The following HHAT variants were observed in gnomAD, a reference collection of about 807,000 sequenced individuals.
The protein encoded by HHAT is protein-cysteine N-palmitoyltransferase HHAT.
In HHAT, 47 loss-of-function variants were observed where a neutral mutation model predicts 70.8. That is an observed-to-expected ratio of 0.66 (90% CI 0.53 to 0.85). HHAT has a LOEUF of 0.85. Ranked by LOEUF, HHAT falls within the 40% of genes least tolerant of loss-of-function variation. The pLI is 0.00. For missense variants in HHAT, 609 were observed against 604.8 expected (o/e 1.01, Z -0.07); for synonymous variants, 228 against 247.6 (o/e 0.92, Z 0.74).
intron 7 of HHAT, among the ~76,000 whole-genome samples, chr1:210,464,085 G>A (rs1383367353): frequency 1.3e-5 from 2 of 151,760 alleles, no homozygotes; most frequent in African/African-American, 4.8e-5. Context: ...ATTTTAAAAT[G>A]TGTATTTAAT....
At chr1:210,481,961 G>A (rs1013408176) in intron 8 of HHAT, among the ~76,000 whole-genome samples, 3 of 152,182 alleles carry the variant, frequency 2.0e-5, no homozygotes, top group African/African-American at 7.2e-5. Context: ...AAGAAGGCCA[G>A]TGTGGCTGTC....
chr1:210,576,297 T>G (rs1441137523), intron 9 of HHAT, among the ~76,000 whole-genome samples: 1 of 152,150 alleles, frequency 6.6e-6, no homozygotes, highest in Non-Finnish European at 1.5e-5. Context: ...GGAGTGTAAC[T>G]GATACACAAA....
At chr1:210,576,989 T>C (rs1190942477) in intron 9 of HHAT, among the ~76,000 whole-genome samples, 1 of 152,176 alleles carries the variant, frequency 6.6e-6, no homozygotes, top group Non-Finnish European at 1.5e-5. Flanking sequence ...TAATTTTCTT[T>C]TTGGATCATT....
rs1375381946 is a variant in HHAT at position 210,383,426 on chromosome 1, A to G, written c.160-4042A>G. 1.3e-5 allele frequency among the ~76,000 whole-genome samples: 2 copies of G among 152,348 alleles called. 1 individual carries two copies. Among genetic ancestry groups the G allele is most frequent in the East Asian group, 3.9e-4 (2 of 5,186 alleles). ...CTACATGACATCCTGGAAAAAGTAA[A>G]ATATGGAGACAGTAAAAAGATCATT... is the stretch of plus-strand genomic sequence containing the variant. On this transcript the variant is annotated intron_variant, in intron 3 of 11. Coordinates refer to ENST00000261458, the MANE Select transcript of HHAT (RefSeq NM_018194.6).
chr1:210,349,169 A>G, intron 2 of HHAT, 103 bp downstream of exon 2: 1 of 1,220,300 alleles, frequency 8.2e-7, no homozygotes, highest in Non-Finnish European at 1.1e-6. Flanking sequence ...TAGTGTCAAG[A>G]TGATGTGGGC....
chr1:210,666,312 C>T (rs1293679608), intron 11 of HHAT, among the ~76,000 whole-genome samples: 3 of 152,124 alleles, frequency 2.0e-5, no homozygotes, highest in African/African-American at 7.2e-5. Context: ...GCAGCCTTCC[C>T]ACTGCTGAAT....
At chr1:210,491,765 T>C (rs1460458097) in intron 8 of HHAT, among the ~76,000 whole-genome samples, 3 of 152,076 alleles carry the variant, frequency 2.0e-5, no homozygotes, top group Non-Finnish European at 2.9e-5. Flanking sequence ...TATTTAGCTT[T>C]TTTGTTTGTT....
At chr1:210,388,087 G>A (rs1389034624) in intron 4 of HHAT, among the ~76,000 whole-genome samples, 1 of 152,180 alleles carries the variant, frequency 6.6e-6, no homozygotes, top group Non-Finnish European at 1.5e-5. Context: ...TTTATGTGAG[G>A]CAGGATTGAG....
chr1:210,675,287 C>T lies in HHAT; in HGVS notation c.*908C>T, dbSNP rs1680932119. On this transcript the variant is annotated 3_prime_UTR_variant, in exon 12 of 12. Transcript: ENST00000261458. ...TATTAAGGTTTGATTCAAACAGAGC[C>T]TTTTCTGTCCTGTAGATAATCTACA... 6.6e-6 allele frequency: 1 copy of T among 152,092 alleles called. No individual in the cohort carries two copies. Among genetic ancestry groups the T allele is most frequent in the Non-Finnish European group, 1.5e-5 (1 of 68,014 alleles). 9.4% of individuals were successfully genotyped at this position (152,092 alleles called of 1,614,324 possible). A position where few individuals can be genotyped will look rare whatever the true frequency, so the allele number is the denominator to read the frequency against.
At chr1:210,499,644 CAAAAA>C (rs5780584) in intron 8 of HHAT, among the ~76,000 whole-genome samples, 1 of 148,556 alleles carries the variant, frequency 6.7e-6, no homozygotes, top group African/African-American at 2.5e-5. Flanking sequence ...CTTTCTCTCT[CAAAAA>C]AAAAAAAAAT....
At chr1:210,558,361 A>C (rs1343840996) in intron 9 of HHAT, among the ~76,000 whole-genome samples, 1 of 152,218 alleles carries the variant, frequency 6.6e-6, no homozygotes, top group African/African-American at 2.4e-5. Flanking sequence ...GAGTTCTCCT[A>C]CCTGGCTAAG....
chr1:210,562,383 C>A (rs1455089667), intron 9 of HHAT, among the ~76,000 whole-genome samples: 3 of 128,536 alleles, frequency 2.3e-5, no homozygotes, highest in East Asian at 2.3e-4. Flanking sequence ...TCAATCCAAT[C>A]ACCAAGGGCC....
intron 11 of HHAT, among the ~76,000 whole-genome samples, chr1:210,643,274 G>A (rs993659078): frequency 2.0e-5 from 3 of 151,966 alleles, no homozygotes; most frequent in East Asian, 1.9e-4. Flanking sequence ...TTTTTACTTC[G>A]GAAACATCTT....
intron 9 of HHAT, among the ~76,000 whole-genome samples, chr1:210,578,471 T>TG (rs1296591224): frequency 1.3e-5 from 2 of 152,342 alleles, no homozygotes; most frequent in East Asian, 3.9e-4. Context: ...ATCACACTTC[T>TG]GAGTATACAA....
intron 8 of HHAT, among the ~76,000 whole-genome samples, chr1:210,485,091 G>A (rs922844669): frequency 6.6e-5 from 10 of 152,034 alleles, no homozygotes; most frequent in Admixed American, 3.3e-4. Context: ...CGTGTTGAGC[G>A]GCTACCAGAA....
chr1:210,478,648 C>A (rs777345493), intron 8 of HHAT, among the ~76,000 whole-genome samples: 2 of 152,124 alleles, frequency 1.3e-5, no homozygotes, highest in African/African-American at 2.4e-5. Context: ...CCTAGTGGAG[C>A]CTTGACCACA....
At chr1:210,461,785 A>G (rs917097015) in intron 7 of HHAT, among the ~76,000 whole-genome samples, 2 of 152,208 alleles carry the variant, frequency 1.3e-5, no homozygotes, top group African/African-American at 4.8e-5. Context: ...ACCAGATATT[A>G]AAATTTCAAG....
At chr1:210,608,372 A>G (rs555204864) in intron 10 of HHAT, among the ~76,000 whole-genome samples, 2 of 152,328 alleles carry the variant, frequency 1.3e-5, no homozygotes, top group South Asian at 4.1e-4. Context: ...ATATATAGTA[A>G]GTATCAAAAT....
At chr1:210,603,869 T>C (rs1263818588) in intron 10 of HHAT, among the ~76,000 whole-genome samples, 27 of 152,214 alleles carry the variant, frequency 1.8e-4, no homozygotes, top group Admixed American at 1.8e-3. Context: ...GGTATCAATA[T>C]ACTTGTGATT....
Sources: gnomAD v4.1 joint callset for allele counts (sites outside exome capture counted in the v4.1 genomes callset) on GRCh38, gnomAD v4.1.1 for gene constraint, MANE v1.5 for transcripts, NCBI Gene and HGNC (gene_info 2026-07-23, HGNC 2026-07-21) for gene names.